CSMD1: variants seen among roughly 807,000 people sequenced by gnomAD.
CSMD1 encodes CUB and Sushi multiple domains 1.
CSMD1 carries 213 observed loss-of-function variants against 417.5 expected under a neutral mutation model. The ratio of observed to expected loss-of-function variants is 0.51; its 90% CI spans 0.46 to 0.57. CSMD1 has a LOEUF of 0.57. Ranked by LOEUF, CSMD1 falls within the 20% of genes least tolerant of loss-of-function variation. The pLI, the probability that CSMD1 is intolerant of heterozygous loss-of-function variation, is 0.00. For synonymous variants in CSMD1, 2,862 were observed against 1,736.8 expected, an observed-to-expected ratio of 1.65 and a Z score of -16.11; for missense variants, 6,923 against 4,529.7, an observed-to-expected ratio of 1.53 and a Z score of -15.17.
intron 1 of CSMD1, among the ~76,000 whole-genome samples, chr8:4,904,028 T>C (rs1168883369): frequency 6.6e-6 from 1 of 152,240 alleles, no homozygotes; most frequent in Admixed American, 6.5e-5. Flanking sequence ...TTTTAATACT[T>C]TTTTTGGAGG....
At chr8:3,892,992 T>C (rs1432599450) in intron 5 of CSMD1, among the ~76,000 whole-genome samples, 2 of 151,664 alleles carry the variant, frequency 1.3e-5, no homozygotes, top group African/African-American at 4.8e-5. Flanking sequence ...GACATAACAA[T>C]CATGGTTCAG....
At chr8:3,940,653 G>A (rs557145222) in intron 5 of CSMD1, among the ~76,000 whole-genome samples, 3 of 151,644 alleles carry the variant, frequency 2.0e-5, no homozygotes, top group South Asian at 2.1e-4. Context: ...TCTTGTTTGG[G>A]TTTCCTAGAT....
At chr8:3,053,779 G>A (rs1234458672) in intron 49 of CSMD1, among the ~76,000 whole-genome samples, 2 of 152,152 alleles carry the variant, frequency 1.3e-5, no homozygotes, top group South Asian at 2.1e-4. Flanking sequence ...AGCAGGCAGA[G>A]GGTGACATTT....
intron 3 of CSMD1, among the ~76,000 whole-genome samples, chr8:4,413,872 G>T (rs1284375212): frequency 6.6e-6 from 1 of 152,142 alleles, no homozygotes. Flanking sequence ...TTTACAGGAA[G>T]GATACCTGGG....
intron 7 of CSMD1, among the ~76,000 whole-genome samples, chr8:3,684,143 CTA>C (rs1177975663): frequency 3.4e-4 from 40 of 119,282 alleles, no homozygotes; most frequent in Non-Finnish European, 4.7e-4. Flanking sequence ...TATATAATGC[CTA>C]TATGTTATAA....
chr8:3,313,796 T>C (rs947132760), intron 23 of CSMD1, among the ~76,000 whole-genome samples: 1 of 152,218 alleles, frequency 6.6e-6, no homozygotes, highest in Non-Finnish European at 1.5e-5. Context: ...TTATAAATCA[T>C]GCTTCTATAA....
intron 26 of CSMD1, among the ~76,000 whole-genome samples, chr8:3,236,554 A>G (rs907760497): frequency 2.0e-5 from 3 of 152,152 alleles, no homozygotes; most frequent in African/African-American, 7.2e-5. Context: ...GTTTTCTGTT[A>G]AAGGCAAGAA....
At chr8:4,458,462 T>G (rs909907248) in intron 2 of CSMD1, among the ~76,000 whole-genome samples, 13 of 152,340 alleles carry the variant, frequency 8.5e-5, no homozygotes, top group Middle Eastern at 3.4e-3. Context: ...TAAAGTTATG[T>G]GTAACTACTA....
At chr8:2,950,364 T>TA (rs1421521778) in intron 66 of CSMD1, 21 bp from the exon 67 acceptor site, 29 of 1,471,308 alleles carry the variant, frequency 2.0e-5, no homozygotes, top group Admixed American at 6.7e-5. Flanking sequence ...ATCAGCAGTT[T>TA]AGGCTTACCT....
intron 23 of CSMD1, among the ~76,000 whole-genome samples, chr8:3,314,958 T>C (rs1278077293): frequency 6.6e-6 from 1 of 152,248 alleles, no homozygotes; most frequent in African/African-American, 2.4e-5. Flanking sequence ...AGTAGTTTCA[T>C]GCTCAGGTGA....
intron 7 of CSMD1, among the ~76,000 whole-genome samples, chr8:3,652,445 A>C (rs2117391646): frequency 6.6e-6 from 1 of 152,322 alleles, no homozygotes; most frequent in African/African-American, 2.4e-5. Flanking sequence ...TGGATGCATT[A>C]GCTCATTCTC....
At chr8:3,931,308 A>G (rs528737619) in intron 5 of CSMD1, among the ~76,000 whole-genome samples, 8 of 150,602 alleles carry the variant, frequency 5.3e-5, no homozygotes, top group African/African-American at 1.5e-4. Context: ...TTCAAATAAA[A>G]TATTTAAGAA....
In CSMD1 at chr8:4,312,927, T is replaced by C. The variant is rs553159560; in HGVS notation, c.415+107026A>G. ...GCAAAAACAATAACACTGATTGGCA[T>C]AAATAATTTGGAAGCCCAGAGGAAG... is the stretch of plus-strand genomic sequence containing the variant. On this transcript the variant is annotated intron_variant, in intron 3 of 69. Transcript: ENST00000635120. 2.0e-5 allele frequency among the ~76,000 whole-genome samples: 3 copies of C among 152,288 alleles called. No homozygotes were observed. The East Asian group carries it at 5.8e-4, about 29-fold the overall frequency.
chr8:3,364,068 G>A (rs906313017), intron 20 of CSMD1, among the ~76,000 whole-genome samples: 6 of 152,116 alleles, frequency 3.9e-5, no homozygotes, highest in African/African-American at 1.4e-4. Context: ...AGATATAAAA[G>A]CATATGAATA....
At chr8:3,790,259 CTG>C (rs1799661633) in intron 5 of CSMD1, among the ~76,000 whole-genome samples, 1 of 152,100 alleles carries the variant, frequency 6.6e-6, no homozygotes, top group Admixed American at 6.5e-5. Context: ...ATCAATCAAA[CTG>C]AAACGAAATA....
At chr8:3,670,640 T>G (rs1005173895) in intron 7 of CSMD1, among the ~76,000 whole-genome samples, 1 of 148,632 alleles carries the variant, frequency 6.7e-6, no homozygotes, top group Non-Finnish European at 1.5e-5. Flanking sequence ...GATATTTATA[T>G]ATGAAGGATA....
chr8:3,378,973 G>A (rs1165939669), intron 18 of CSMD1, among the ~76,000 whole-genome samples: 1 of 152,190 alleles, frequency 6.6e-6, no homozygotes, highest in Non-Finnish European at 1.5e-5. Context: ...GTTTGGAGAT[G>A]ACATGATTGT....
intron 10 of CSMD1, among the ~76,000 whole-genome samples, chr8:3,498,302 A>G (rs910937415): frequency 2.0e-5 from 3 of 152,188 alleles, no homozygotes; most frequent in African/African-American, 7.2e-5. Flanking sequence ...TTGGAGGTAT[A>G]TGTGGTACTT....
chr8:4,818,040 C>T (rs1290439895), intron 1 of CSMD1, among the ~76,000 whole-genome samples: 3 of 152,126 alleles, frequency 2.0e-5, no homozygotes, highest in Non-Finnish European at 4.4e-5. Flanking sequence ...GTGACCAGCA[C>T]TTTTTATATA....
Sources: gnomAD v4.1 joint callset for allele counts (sites outside exome capture counted in the v4.1 genomes callset) on GRCh38, gnomAD v4.1.1 for gene constraint, MANE v1.5 for transcripts, NCBI Gene and HGNC (gene_info 2026-07-23, HGNC 2026-07-21) for gene names.